ZC3H15: variants seen among roughly 807,000 people sequenced by gnomAD.
ZC3H15 encodes the protein zinc finger CCCH domain-containing protein 15.
A neutral mutation model predicts 51.2 loss-of-function variants in ZC3H15; 15 were observed. The observed-to-expected ratio is 0.29, with a 90% CI of 0.20 to 0.45. The LOEUF is 0.45. ZC3H15 is among the 20% of genes least tolerant of loss of function. The probability of loss-of-function intolerance (pLI) is 1.00; values close to 1 mark genes in which losing one functional copy is unlikely to be tolerated. For missense variants in ZC3H15, 381 were observed against 494.7 expected, an observed-to-expected ratio of 0.77 and a Z score of 2.18; for synonymous variants, 144 against 162.8, an observed-to-expected ratio of 0.88 and a Z score of 0.88.
chr2:186,504,055 T>TAA lies in ZC3H15; in HGVS notation c.559_560insAA (p.Ile187LysfsTer32). 1 of 1,597,216 alleles carries TAA rather than the reference T, an allele frequency of 6.3e-7. No homozygotes were observed. Among genetic ancestry groups the TAA allele is most frequent in the Non-Finnish European group, 8.5e-7 (1 of 1,172,920 alleles). ...AGGTGTGCAAGCATTTCCTGGAAGC[T>TAA]ATTGAAAACAACAAGTATGGCTGGT... On this transcript the variant is annotated frameshift_variant, in exon 6 of 10. Coordinates refer to ENST00000337859, the MANE Select transcript of ZC3H15 (RefSeq NM_018471.3). LOFTEE classifies it high-confidence loss of function.
chr2:186,495,912 T>G (rs1486848458), intron 2 of ZC3H15, among the ~76,000 whole-genome samples: 1 of 152,236 alleles, frequency 6.6e-6, no homozygotes. Context: ...GAGTATCTTT[T>G]GTATACTTGT....
At chr2:186,486,551 G>T (rs1221469426) in intron 1 of ZC3H15, 94 bp downstream of exon 1, 2 of 1,378,636 alleles carry the variant, frequency 1.5e-6, no homozygotes, top group African/African-American at 1.4e-5. Flanking sequence ...CGCTTCCTCG[G>T]GCCACGTGTT....
chr2:186,498,821 A>G (rs1194758377), intron 2 of ZC3H15, among the ~76,000 whole-genome samples: 2 of 152,120 alleles, frequency 1.3e-5, no homozygotes, highest in Admixed American at 1.3e-4. Context: ...CTCCTTAAGT[A>G]CCATATACCC....
chr2:186,504,294 T>A, intron 6 of ZC3H15, 80 bp downstream of exon 6: 1 of 1,207,444 alleles, frequency 8.3e-7, no homozygotes, highest in Non-Finnish European at 1.1e-6. Context: ...CTTGGGGCAA[T>A]AGCCTTTTAT....
chr2:186,497,952 G>A (rs1288674414), intron 2 of ZC3H15, among the ~76,000 whole-genome samples: 2 of 152,130 alleles, frequency 1.3e-5, no homozygotes, highest in Admixed American at 6.6e-5. Flanking sequence ...TAGGCCCTGC[G>A]ATACATGTGT....
At chr2:186,508,466 A>C in intron 9 of ZC3H15, 77 bp from the exon 10 acceptor site, 1 of 1,244,840 alleles carries the variant, frequency 8.0e-7, no homozygotes, top group Non-Finnish European at 1.1e-6. Context: ...GTGTAGTATC[A>C]GTCTATGTTG....
chr2:186,508,615 A>T lies in ZC3H15; in HGVS notation c.1163A>T (p.Glu388Val). ...GERSDLEEDN[E>V]REGTENGAID... ...AGAAGTGACTTGGAAGAGGACAACG[A>T]GAGGGAGGGAACGGAAAATGGAGCC... The change falls in exon 10 of 10, where the codon GAG becomes GTG. Residue 388 changes from glutamate to valine, a missense_variant. Transcript: ENST00000337859. The T allele has an allele frequency of 6.2e-7, 1 of 1,614,096 alleles. No homozygotes were observed. The highest frequency in any genetic ancestry group is 1.6e-4 in the Middle Eastern group (1 of 6,062).
chr2:186,492,108 C>T (rs950222329), intron 1 of ZC3H15, among the ~76,000 whole-genome samples: 2 of 152,054 alleles, frequency 1.3e-5, no homozygotes, highest in Non-Finnish European at 2.9e-5. Flanking sequence ...CTTATTTATT[C>T]ATTGTTTCTT....
chr2:186,488,438 C>G (rs1685140303), intron 1 of ZC3H15, among the ~76,000 whole-genome samples: 1 of 152,066 alleles, frequency 6.6e-6, no homozygotes, highest in African/African-American at 2.4e-5. Flanking sequence ...CCTTTGTGTC[C>G]TTCTTCTTGC....
intron 1 of ZC3H15, among the ~76,000 whole-genome samples, chr2:186,493,268 G>T (rs1685228007): frequency 6.6e-6 from 1 of 152,090 alleles, no homozygotes; most frequent in Non-Finnish European, 1.5e-5. Context: ...AACAGGAGGG[G>T]TCTTCTTGGA....
Position 186,508,640 on chromosome 2 carries a change from C to A in ZC3H15, c.1188C>A (p.Ala396=). 6.2e-7 allele frequency: 1 copy of A among 1,613,990 alleles called. No homozygotes were observed. Among genetic ancestry groups the A allele is most frequent in the Non-Finnish European group, 8.5e-7 (1 of 1,179,972 alleles). ...DNEREGTENG[A]IDAVPVDENL... Reference sequence around the variant, plus strand: ...AGAGGGAGGGAACGGAAAATGGAGCCATTGATGCTGTTCCTGTTGATGAAA... The same window carrying A: ...AGAGGGAGGGAACGGAAAATGGAGCAATTGATGCTGTTCCTGTTGATGAAA... Residue 396 remains alanine (A), a synonymous_variant, in exon 10 of 10, where the codon GCC becomes GCA. Coordinates refer to ENST00000337859, the MANE Select transcript of ZC3H15 (RefSeq NM_018471.3).
At chr2:186,503,995 A>G in intron 5 of ZC3H15, 37 bp from the exon 6 acceptor site, 2 of 1,510,526 alleles carry the variant, frequency 1.3e-6, no homozygotes, top group South Asian at 2.7e-5. Flanking sequence ...AATGGCCTAC[A>G]CTGAGCCACC....
At chr2:186,498,455 C>T (rs1685318667) in intron 2 of ZC3H15, among the ~76,000 whole-genome samples, 1 of 152,150 alleles carries the variant, frequency 6.6e-6, no homozygotes, top group Non-Finnish European at 1.5e-5. Context: ...TGTAGACCTC[C>T]ATTGTATTCT....
intron 2 of ZC3H15, among the ~76,000 whole-genome samples, chr2:186,496,796 T>C (rs1233684455): frequency 6.6e-6 from 1 of 152,198 alleles, no homozygotes; most frequent in Non-Finnish European, 1.5e-5. Context: ...TGTAACACAT[T>C]AGTAATGATT....
intron 4 of ZC3H15, among the ~76,000 whole-genome samples, 192 bp from the exon 5 acceptor site, chr2:186,502,304 T>G (rs766262486): frequency 6.6e-6 from 1 of 151,936 alleles, no homozygotes; most frequent in Non-Finnish European, 1.5e-5. Context: ...TGAGGGAGGT[T>G]AGGGCTTCAG....
At chr2:186,504,560 CT>C (rs1296394954) in intron 6 of ZC3H15, among the ~76,000 whole-genome samples, 2 of 152,102 alleles carry the variant, frequency 1.3e-5, no homozygotes, top group Non-Finnish European at 2.9e-5. Context: ...TCTTTTTTCA[CT>C]AGTATATTAG....
chr2:186,500,678 T>C (rs1320810711), intron 3 of ZC3H15: 5 of 459,312 alleles, frequency 1.1e-5, no homozygotes, highest in Non-Finnish European at 2.2e-5. Flanking sequence ...GTTTTTGTTT[T>C]TGTTTTTGTT....
chr2:186,490,055 T>C (rs1390175287), intron 1 of ZC3H15, among the ~76,000 whole-genome samples: 1 of 152,210 alleles, frequency 6.6e-6, no homozygotes, highest in African/African-American at 2.4e-5. Flanking sequence ...TATACAGTGC[T>C]TAGTTCCTGC....
In ZC3H15 at chr2:186,501,451, A is replaced by G; in HGVS notation, c.442+26A>G. The stretch of plus-strand genomic sequence containing the variant: ...GTAATTTTTTTAAAAACACTCTCTT[A>G]AAAATAAATGTTGAATACTTTCGGT... On this transcript the variant is annotated intron_variant, in intron 4 of 9. Transcript: ENST00000337859. 1.9e-6 allele frequency: 3 copies of G among 1,593,468 alleles called. No individual in the cohort carries two copies. The South Asian group carries it at 3.4e-5, about 18-fold the overall frequency.
Sources: gnomAD v4.1 joint callset for allele counts (sites outside exome capture counted in the v4.1 genomes callset) on GRCh38, gnomAD v4.1.1 for gene constraint, MANE v1.5 for transcripts, NCBI Gene and HGNC (gene_info 2026-07-23, HGNC 2026-07-21) for gene names.